The following PECR variants were observed in gnomAD, a reference collection of about 807,000 sequenced individuals.
The protein encoded by PECR is 2,4-dienoyl-CoA reductase-related protein.
In PECR, 30 loss-of-function variants were observed where a neutral mutation model predicts 35.3. The ratio of observed to expected loss-of-function variants is 0.85; its 90% CI spans 0.64 to 1.15. PECR has a LOEUF of 1.15. PECR is among the 50% of genes most tolerant of loss of function. PECR has a pLI of 0.00. For synonymous variants in PECR, 148 were observed against 138.9 expected (o/e 1.07, Z -0.46); for missense variants, 392 against 370.8 (o/e 1.06, Z -0.47).
chr2:216,081,668 C>G lies in PECR; in HGVS notation c.74G>C (p.Gly25Ala). The G allele has an allele frequency of 6.2e-7, 1 of 1,613,754 alleles. No individual in the cohort carries two copies. Among genetic ancestry groups the G allele is most frequent in the Non-Finnish European group, 8.5e-7 (1 of 1,179,962 alleles). Residue 25 changes from glycine to alanine, a missense_variant, in exon 1 of 8, where the codon GGC becomes GCC. Physicochemically the swap from Gly to Ala is moderately conservative, Grantham distance 60 (BLOSUM62 0). Transcript: ENST00000265322. ...LLQGQVAIVT[G>A]GATGIGKAIV... ...GGCTTTTCCGATGCCCGTGGCCCCG[C>G]CGGTGACGATGGCCACTTGGCCCTG... is the stretch of plus-strand genomic sequence containing the variant.
intron 4 of PECR, among the ~76,000 whole-genome samples, chr2:216,056,723 GAAAA>G (rs1206717179): frequency 3.3e-5 from 2 of 60,718 alleles, no homozygotes; most frequent in African/African-American, 5.6e-5. Context: ...CTCCATCTCA[GAAAA>G]AAAAAAAAAA....
intron 4 of PECR, among the ~76,000 whole-genome samples, chr2:216,056,701 A>G (rs1048524479): frequency 1.6e-4 from 24 of 150,128 alleles, no homozygotes; most frequent in African/African-American, 5.4e-4. Context: ...AGCCTGGGCA[A>G]CAGGAGCAAA....
chr2:216,039,117 G>A lies in PECR; in HGVS notation c.*158C>T, dbSNP rs910500193. 8 of 616,208 alleles carry A rather than the reference G, an allele frequency of 1.3e-5. No individual in the cohort carries two copies. The highest frequency in any genetic ancestry group is 3.0e-5 in the East Asian group (1 of 33,398). 38.2% of individuals were successfully genotyped at this position (616,208 alleles called of 1,614,324 possible). A position where few individuals can be genotyped will look rare whatever the true frequency, so the allele number is the denominator to read the frequency against. On this transcript the variant is annotated 3_prime_UTR_variant, in exon 8 of 8. Coordinates refer to ENST00000265322, the MANE Select transcript of PECR (RefSeq NM_018441.6). ...AAGACTCTGATTGGGACATAAGACTGTATATATTTCAGGAATAGTTTTTCC... is the reference window on the plus strand; with the variant it reads ...AAGACTCTGATTGGGACATAAGACTATATATATTTCAGGAATAGTTTTTCC...
intron 6 of PECR, among the ~76,000 whole-genome samples, chr2:216,046,472 G>A (rs1694999813): frequency 1.3e-5 from 2 of 151,538 alleles, no homozygotes; most frequent in African/African-American, 4.8e-5. Flanking sequence ...CACCATGCTT[G>A]GCTAATTTTT....
chr2:216,069,793 A>G (rs571497558), intron 1 of PECR, among the ~76,000 whole-genome samples: 4 of 152,092 alleles, frequency 2.6e-5, no homozygotes, highest in Admixed American at 2.0e-4. Flanking sequence ...AAAATTAGCC[A>G]GGTGTGGTGG....
chr2:216,038,621 T>G lies in PECR; in HGVS notation c.*654A>C, dbSNP rs1010982244. ...TTGTTGTTTGTTTTTGTTTTTTGGG[T>G]TTTTTTTGAGATGCAGTCTCACTCT... On this transcript the variant is annotated 3_prime_UTR_variant, in exon 8 of 8. Coordinates refer to ENST00000265322, the MANE Select transcript of PECR (RefSeq NM_018441.6). 1 of 148,918 alleles carries G rather than the reference T, an allele frequency of 6.7e-6. No homozygotes were observed. Among genetic ancestry groups the G allele is most frequent in the Non-Finnish European group, 1.5e-5 (1 of 67,972 alleles). 9.2% of individuals were successfully genotyped at this position (148,918 alleles called of 1,614,324 possible). A position where few individuals can be genotyped will look rare whatever the true frequency, so the allele number is the denominator to read the frequency against.
chr2:216,033,523 G>A (rs76534218), downstream of PECR, among the ~76,000 whole-genome samples: 506 of 152,220 alleles, frequency 3.3e-3, 4 homozygotes, highest in Non-Finnish European at 4.6e-3. Context: ...TAAGCAGAGA[G>A]AAACAGGATG....
intron 1 of PECR, among the ~76,000 whole-genome samples, chr2:216,068,244 A>G (rs1354305683): frequency 6.6e-6 from 1 of 151,484 alleles, no homozygotes; most frequent in Non-Finnish European, 1.5e-5. Flanking sequence ...AAAAAAAAAA[A>G]AAAACCGGAA....
At chr2:216,049,212 T>G (rs1695055262) in intron 6 of PECR, 51 bp downstream of exon 6, 6 of 914,268 alleles carry the variant, frequency 6.6e-6, no homozygotes, top group Non-Finnish European at 1.1e-5. Context: ...AATTACAAAT[T>G]CCAAAGTATA....
At chr2:216,032,257 A>G (rs1694721707) in intron 7 of PECR, among the ~76,000 whole-genome samples, 2 of 152,250 alleles carry the variant, frequency 1.3e-5, no homozygotes, top group African/African-American at 2.4e-5. Flanking sequence ...AGTCCAGAGA[A>G]ATGAAAACAA....
At chr2:216,030,706 C>T (rs1250762361) in intron 7 of PECR, among the ~76,000 whole-genome samples, 2 of 148,178 alleles carry the variant, frequency 1.3e-5, no homozygotes, top group African/African-American at 4.9e-5. Flanking sequence ...CCACAACTGG[C>T]TAATTTTTGT....
intron 2 of PECR, 102 bp from the exon 3 acceptor site, chr2:216,065,579 G>A (rs1042184943): frequency 6.7e-6 from 5 of 749,022 alleles, no homozygotes; most frequent in African/African-American, 5.2e-5. Context: ...ATCTCTCACA[G>A]TGAACAGTCA....
chr2:216,046,310 A>ATATATTTTTTTT (rs1553560626), intron 6 of PECR, among the ~76,000 whole-genome samples: 4 of 96,958 alleles, frequency 4.1e-5, no homozygotes, highest in African/African-American at 1.9e-4. Flanking sequence ...ATATATATAT[A>ATATATTTTTTTT]TTTTTTTTTT....
intron 3 of PECR, chr2:216,064,259 A>G (rs1313690455): frequency 2.6e-5 from 4 of 152,244 alleles, no homozygotes; most frequent in Non-Finnish European, 4.4e-5. Context: ...TTTTAGGCAC[A>G]TAGCTGCCCA....
At chr2:216,051,323 T>G in intron 5 of PECR, 126 bp downstream of exon 5, 2 of 697,706 alleles carry the variant, frequency 2.9e-6, no homozygotes, top group Admixed American at 5.1e-5. Flanking sequence ...GCTTTCCATT[T>G]TATCTATGTT....
At chr2:216,057,767 G>A (rs1340934287) in intron 4 of PECR, 1 of 152,088 alleles carries the variant, frequency 6.6e-6, no homozygotes, top group African/African-American at 2.4e-5. Flanking sequence ...TCATTCCTCA[G>A]GCTGACCATG....
intron 7 of PECR, 75 bp downstream of exon 7, chr2:216,043,826 AACT>A: frequency 2.7e-6 from 2 of 754,568 alleles, no homozygotes; most frequent in Non-Finnish European, 4.8e-6. Flanking sequence ...TCTCTTAAGT[AACT>A]ACTTATAATA....
intron 3 of PECR, among the ~76,000 whole-genome samples, chr2:216,062,270 T>G (rs1297849665): frequency 6.6e-6 from 1 of 152,070 alleles, no homozygotes; most frequent in Non-Finnish European, 1.5e-5. Flanking sequence ...GGTTTCGAAC[T>G]CCTGACCTCA....
At chr2:216,071,563 G>A (rs1441367960) in intron 1 of PECR, among the ~76,000 whole-genome samples, 5 of 152,120 alleles carry the variant, frequency 3.3e-5, no homozygotes, top group African/African-American at 4.8e-5. Flanking sequence ...TGATTCCCTC[G>A]CTTCTCCCTT....
Sources: gnomAD v4.1 joint callset for allele counts (sites outside exome capture counted in the v4.1 genomes callset) on GRCh38, gnomAD v4.1.1 for gene constraint, MANE v1.5 for transcripts, NCBI Gene and HGNC (gene_info 2026-07-23, HGNC 2026-07-21) for gene names.